The following ANTXR1 variants were observed in gnomAD, a reference collection of about 807,000 sequenced individuals.
The protein encoded by ANTXR1 is ANTXR cell adhesion molecule 1.
A neutral mutation model predicts 78.1 loss-of-function variants in ANTXR1; 19 were observed. That is an observed-to-expected ratio of 0.24 (90% CI 0.17 to 0.36). ANTXR1 has a LOEUF of 0.36. Ranked by LOEUF, ANTXR1 falls within the 10% of genes least tolerant of loss-of-function variation. The pLI is 1.00. For missense variants in ANTXR1, 518 were observed against 718.6 expected (o/e 0.72, Z 3.19); for synonymous variants, 273 against 260.5 (o/e 1.05, Z -0.46).
chr2:69,155,784 C>G (rs967413111), intron 13 of ANTXR1, among the ~76,000 whole-genome samples: 13 of 152,142 alleles, frequency 8.5e-5, no homozygotes, highest in Non-Finnish European at 1.9e-4. Context: ...AGCCTGCAGC[C>G]CAGGTAGGGG....
At chr2:69,091,467 A>C (rs1277965993) in intron 9 of ANTXR1, among the ~76,000 whole-genome samples, 1 of 151,668 alleles carries the variant, frequency 6.6e-6, no homozygotes, top group African/African-American at 2.4e-5. Context: ...AAAAAAAAAA[A>C]AAAGTTATCT....
intron 10 of ANTXR1, among the ~76,000 whole-genome samples, chr2:69,105,362 G>A (rs996253926): frequency 2.0e-5 from 3 of 152,202 alleles, no homozygotes. Context: ...GTTTGGAGAA[G>A]ATGAAGGCAG....
At chr2:69,204,236 G>A (rs1017057492) in intron 17 of ANTXR1, among the ~76,000 whole-genome samples, 1 of 152,200 alleles carries the variant, frequency 6.6e-6, no homozygotes, top group East Asian at 1.9e-4. Context: ...TGGCCAGAAA[G>A]TATTGGGTTA....
At chr2:69,017,944 A>G (rs1454512666) in intron 1 of ANTXR1, among the ~76,000 whole-genome samples, 1 of 152,018 alleles carries the variant, frequency 6.6e-6, no homozygotes, top group Non-Finnish European at 1.5e-5. Flanking sequence ...TATGTATTAC[A>G]TATTGGACTA....
At chr2:69,060,363 C>T (rs1242741866) in intron 3 of ANTXR1, among the ~76,000 whole-genome samples, 1 of 152,164 alleles carries the variant, frequency 6.6e-6, no homozygotes, top group Non-Finnish European at 1.5e-5. Flanking sequence ...CCGAGTCTGT[C>T]TTCCTCCAAA....
chr2:69,159,180 G>A (rs868308790), intron 13 of ANTXR1, among the ~76,000 whole-genome samples: 11 of 152,152 alleles, frequency 7.2e-5, no homozygotes, highest in Non-Finnish European at 7.3e-5. Flanking sequence ...ATTCAAATCA[G>A]TTTCTTAAAT....
intron 14 of ANTXR1, among the ~76,000 whole-genome samples, chr2:69,173,118 G>C (rs2104454028): frequency 6.6e-6 from 1 of 152,340 alleles, no homozygotes; most frequent in East Asian, 1.9e-4. Context: ...AAAGAACTCA[G>C]GTAGACTGTG....
chr2:69,154,819 C>T (rs1413193537), intron 13 of ANTXR1, among the ~76,000 whole-genome samples: 4 of 152,314 alleles, frequency 2.6e-5, no homozygotes, highest in African/African-American at 9.6e-5. Flanking sequence ...ATTTAACAAC[C>T]TGCAAGGCCC....
intron 8 of ANTXR1, among the ~76,000 whole-genome samples, chr2:69,079,770 C>T (rs1452335992): frequency 1.3e-5 from 2 of 152,164 alleles, no homozygotes; most frequent in Non-Finnish European, 2.9e-5. Flanking sequence ...ATAGTCCTGC[C>T]TTAAGATGGC....
Position 69,183,100 on chromosome 2 carries a change from C to T in ANTXR1, c.1353+440C>T, listed in dbSNP as rs149449932. The T allele has an allele frequency of 2.2e-4, 44 of 203,382 alleles. No individual in the cohort carries two copies. In the East Asian group the frequency reaches 6.0e-3, roughly 28 times the overall value. The allele number at this position is 203,382 out of a possible 1,614,324, so 12.6% of individuals were successfully genotyped here. On this transcript the variant is annotated intron_variant, in intron 16 of 17. Coordinates refer to ENST00000303714, the MANE Select transcript of ANTXR1 (RefSeq NM_032208.3). ...ATTTCCATAGCATCTCATAACTTCA[C>T]TTAGCAGACAATCTACTATCTAAGA... is the stretch of plus-strand genomic sequence containing the variant.
At chr2:69,203,688 A>T (rs559725620) in intron 17 of ANTXR1, among the ~76,000 whole-genome samples, 7 of 151,154 alleles carry the variant, frequency 4.6e-5, no homozygotes, top group Admixed American at 4.6e-4. Flanking sequence ...TCACAATCTG[A>T]TCCCCCTTTT....
chr2:69,110,054 G>A (rs1246703037), intron 10 of ANTXR1, among the ~76,000 whole-genome samples: 2 of 152,102 alleles, frequency 1.3e-5, no homozygotes, highest in South Asian at 2.1e-4. Flanking sequence ...TATAGAAAAT[G>A]TTTCATATAA....
chr2:69,166,866 A>G (rs1673840304), intron 13 of ANTXR1, among the ~76,000 whole-genome samples: 1 of 152,244 alleles, frequency 6.6e-6, no homozygotes, highest in African/African-American at 2.4e-5. Context: ...CTGGTTGGAA[A>G]CAAATAATTA....
At chr2:69,200,753 T>A (rs892618272) in intron 17 of ANTXR1, among the ~76,000 whole-genome samples, 1 of 152,158 alleles carries the variant, frequency 6.6e-6, no homozygotes, top group Non-Finnish European at 1.5e-5. Context: ...AGTTCATGTA[T>A]GTATGTATGT....
chr2:69,182,186 G>A (rs185572902), intron 15 of ANTXR1, among the ~76,000 whole-genome samples: 3 of 152,176 alleles, frequency 2.0e-5, no homozygotes, highest in East Asian at 3.9e-4. Context: ...AAACGTCCTC[G>A]TGATTTCTTT....
intron 12 of ANTXR1, among the ~76,000 whole-genome samples, chr2:69,130,700 C>G (rs530858483): frequency 1.3e-5 from 2 of 152,248 alleles, no homozygotes; most frequent in African/African-American, 2.4e-5. Context: ...GGTTATTGAC[C>G]TAACTTTCCT....
chr2:69,172,325 T>C (rs904353477), intron 14 of ANTXR1: 2 of 1,557,164 alleles, frequency 1.3e-6, no homozygotes, highest in African/African-American at 1.4e-5. Context: ...GTTGGCCCTG[T>C]GAGTTAGGCC....
chr2:69,127,441 G>A (rs1333402931), intron 12 of ANTXR1, among the ~76,000 whole-genome samples: 1 of 152,040 alleles, frequency 6.6e-6, no homozygotes, highest in Non-Finnish European at 1.5e-5. Flanking sequence ...GCCTGCTGCT[G>A]TCCTTATTCC....
chr2:69,173,208 T>C (rs1007797996), intron 14 of ANTXR1, among the ~76,000 whole-genome samples: 1 of 152,230 alleles, frequency 6.6e-6, no homozygotes, highest in Non-Finnish European at 1.5e-5. Context: ...TGCTTCTCTC[T>C]GGGAATTTAT....
Sources: allele counts gnomAD v4.1 joint callset (sites outside exome capture counted in the v4.1 genomes callset), GRCh38; gene constraint gnomAD v4.1.1; transcripts MANE v1.5; gene names NCBI Gene and HGNC (gene_info 2026-07-23, HGNC 2026-07-21).